The following JADE3 variants were observed in gnomAD, a reference collection of about 807,000 sequenced individuals.
JADE3 encodes protein Jade-3.
In JADE3, 2 loss-of-function variants were observed where a neutral mutation model predicts 50.1. The observed-to-expected ratio is 0.04, with a 90% CI of 0.02 to 0.13. The LOEUF (loss-of-function observed/expected upper bound fraction) is 0.13, where lower values mean the gene tolerates loss of function less well. Among genes scored for constraint, JADE3 ranks in the 10% least tolerant of loss-of-function variants. The pLI is 1.00. For synonymous variants in JADE3, 218 were observed against 232.9 expected (o/e 0.94, Z 0.58); for missense variants, 475 against 634.4 (o/e 0.75, Z 2.70).
intron 1 of JADE3, among the ~76,000 whole-genome samples, chrX:46,946,571 A>T (rs1926888253): frequency 8.9e-6 from 1 of 112,193 alleles, no homozygotes; most frequent in Middle Eastern, 4.2e-3. Flanking sequence ...ACTTGAGGTC[A>T]CCTAGCTCTT....
intron 4 of JADE3, among the ~76,000 whole-genome samples, chrX:47,016,694 T>A (rs976474714): frequency 9.1e-6 from 1 of 109,582 alleles, no homozygotes; most frequent in Non-Finnish European, 1.9e-5. Flanking sequence ...TGTCTTTTTT[T>A]TTTTTTTTAA....
At chrX:46,975,714 C>CTTTTTT (rs782578317) in intron 1 of JADE3, among the ~76,000 whole-genome samples, 43 of 40,523 alleles carry the variant, frequency 1.1e-3, no homozygotes, top group African/African-American at 2.8e-3. Flanking sequence ...TTTTCTTTTT[C>CTTTTTT]TTTTTTTTTT....
intron 7 of JADE3, among the ~76,000 whole-genome samples, chrX:47,035,051 T>C (rs1929105067): frequency 9.0e-6 from 1 of 111,403 alleles, no homozygotes; most frequent in African/African-American, 3.3e-5. Flanking sequence ...TGGCTACATG[T>C]ACACTAACTT....
At chrX:46,930,262 GGAGA>G (rs1926461768) in intron 1 of JADE3, among the ~76,000 whole-genome samples, 1 of 111,668 alleles carries the variant, frequency 9.0e-6, no homozygotes, top group African/African-American at 3.3e-5. Context: ...GTATGGAGAG[GGAGA>G]GAGAGATCCA....
intron 1 of JADE3, among the ~76,000 whole-genome samples, chrX:46,976,705 TTTTG>T (rs1425519301): frequency 8.9e-6 from 1 of 112,317 alleles, no homozygotes; most frequent in Admixed American, 9.4e-5. Context: ...TGATTTATGG[TTTTG>T]TTTAACAAAA....
chrX:47,035,394 T>TA (rs1556367723), intron 7 of JADE3, among the ~76,000 whole-genome samples: 2 of 111,865 alleles, frequency 1.8e-5, no homozygotes, highest in South Asian at 3.7e-4. Flanking sequence ...ATCAGTATTT[T>TA]AAAAAAATAT....
At position 47,058,758 on chromosome X, in the gene JADE3, A is replaced by G. The variant is rs1929693757; in HGVS notation, c.2153A>G (p.Glu718Gly). ...TVEHFSRSFK[E>G]TTNRWVKNTE... ...GAACACTTTAGTAGGTCCTTTAAAGAGACCACCAATAGGTGGGTGAAGAAC... is the reference window on the plus strand; with the variant it reads ...GAACACTTTAGTAGGTCCTTTAAAGGGACCACCAATAGGTGGGTGAAGAAC... The change falls in exon 11 of 11, where the codon GAG (glutamate) becomes GGG (glycine). Residue 718 changes from glutamate (E) to glycine (G), a missense_variant. Around this residue, in one of 6 missense-constraint regions of JADE3, gnomAD observed 243 missense variants for 238.2 expected, o/e 1.02. Coordinates refer to ENST00000614628, the MANE Select transcript of JADE3 (RefSeq NM_014735.5). The G allele has an allele frequency of 8.3e-7, 1 of 1,208,614 alleles. No individual in the cohort carries two copies. Among genetic ancestry groups the G allele is most frequent in the East Asian group, 3.0e-5 (1 of 33,826 alleles).
At chrX:47,016,619 A>C (rs1928682804) in intron 4 of JADE3, among the ~76,000 whole-genome samples, 1 of 111,637 alleles carries the variant, frequency 9.0e-6, no homozygotes, top group Non-Finnish European at 1.9e-5. Context: ...CCATTTCTCA[A>C]TAAAAGGCAT....
At position 47,058,885 on chromosome X, in the gene JADE3, A is replaced by G. The variant is rs1287339524; in HGVS notation, c.2280A>G (p.Pro760=). The part of the protein sequence containing the change: ...QVLRRSAGRA[P]YQENDGYCPD... ...TCAGGCGGTCTGCAGGGAGAGCTCCATATCAGGAAAATGATGGCTATTGCC... is the reference window on the plus strand; with the variant it reads ...TCAGGCGGTCTGCAGGGAGAGCTCCGTATCAGGAAAATGATGGCTATTGCC... Residue 760 remains proline (P), a synonymous_variant, in exon 11 of 11, where the codon CCA becomes CCG. Transcript: ENST00000614628. 2 of 1,211,508 alleles carry G rather than the reference A, an allele frequency of 1.7e-6. No individual in the cohort carries two copies. The highest frequency in any genetic ancestry group is 1.1e-6 in the Non-Finnish European group (1 of 895,318).
chrX:47,015,859 A>G (rs1186045131), intron 4 of JADE3, among the ~76,000 whole-genome samples: 1 of 107,307 alleles, frequency 9.3e-6, no homozygotes, highest in Non-Finnish European at 1.9e-5. Context: ...AGCTGGGACT[A>G]CAGACGTGAG....
intron 8 of JADE3, among the ~76,000 whole-genome samples, chrX:47,053,522 G>A (rs1929566044): frequency 8.9e-6 from 1 of 111,909 alleles, no homozygotes; most frequent in African/African-American, 3.2e-5. Flanking sequence ...GCCTCCCAAA[G>A]TGCTGGGATC....
chrX:46,913,982 C>T (rs782240254), intron 1 of JADE3, among the ~76,000 whole-genome samples: 1 of 111,120 alleles, frequency 9.0e-6, no homozygotes, highest in African/African-American at 3.3e-5. Context: ...AAGTCAAAAC[C>T]GTGTTGAAGG....
At chrX:46,988,926 G>A (rs187137940) in intron 3 of JADE3, among the ~76,000 whole-genome samples, 25 of 112,325 alleles carry the variant, frequency 2.2e-4, no homozygotes, top group Middle Eastern at 4.6e-3. Flanking sequence ...TGCAACCTCC[G>A]CCTCCCAGGT....
intron 4 of JADE3, among the ~76,000 whole-genome samples, chrX:47,008,706 T>C (rs1289213762): frequency 9.0e-6 from 1 of 111,219 alleles, no homozygotes. Context: ...CATACCACCA[T>C]GCAAAGCAAG....
At chrX:46,997,216 T>C (rs1169109118) in intron 3 of JADE3, among the ~76,000 whole-genome samples, 4 of 111,594 alleles carry the variant, frequency 3.6e-5, no homozygotes, top group African/African-American at 1.3e-4. Flanking sequence ...TTAAAGATAC[T>C]CTGAGGCCAG....
rs782597895 is a variant in JADE3 at position 47,046,279 on chromosome X, G to A, written c.972+7214G>A. Among the ~76,000 whole-genome samples the A allele has an allele frequency of 2.7e-5, 3 of 111,671 alleles. No individual in the cohort carries two copies. In the South Asian group the frequency reaches 1.1e-3, roughly 41 times the overall value. On this transcript the variant is annotated intron_variant, in intron 8 of 10. Transcript: ENST00000614628. ...ATATGCCAACAAACTGGAAAACCTA[G>A]AAGAAGTGAACAGATTCCTAGACAC... is the stretch of plus-strand genomic sequence containing the variant.
At chrX:47,006,070 C>A (rs1928409901) in intron 4 of JADE3, among the ~76,000 whole-genome samples, 1 of 111,608 alleles carries the variant, frequency 9.0e-6, no homozygotes, top group Non-Finnish European at 1.9e-5. Context: ...AAGACAGATG[C>A]CGACATCAAG....
At position 47,054,302 on chromosome X, in the gene JADE3, G is replaced by C. The variant is rs1929583068; in HGVS notation, c.1117G>C (p.Gly373Arg). ...GCATAGCCAAAACAGGCAGAAACTT[G>C]GAGAAGCTGAGTACCCCCACCACAG... ...LKHSQNRQKLGEAEYPHHRAK... is the reference protein window; with the variant it reads ...LKHSQNRQKLREAEYPHHRAK... The change falls in exon 9 of 11, where the codon GGA (glycine) becomes CGA (arginine). Residue 373 changes from glycine (G) to arginine (R), a missense_variant. Gly to Arg is a moderately radical substitution (Grantham distance 125, BLOSUM62 -2). Around this residue, in one of 6 missense-constraint regions of JADE3, gnomAD observed 81 missense variants for 123.8 expected, o/e 0.65. Coordinates refer to ENST00000614628, the MANE Select transcript of JADE3 (RefSeq NM_014735.5). 8.3e-7 allele frequency: 1 copy of C among 1,207,469 alleles called. No individual in the cohort carries two copies. The highest frequency in any genetic ancestry group is 2.2e-5 in the Admixed American group (1 of 45,175).
intron 3 of JADE3, among the ~76,000 whole-genome samples, chrX:46,996,866 A>G (rs1928140693): frequency 8.9e-6 from 1 of 112,218 alleles, no homozygotes; most frequent in Non-Finnish European, 1.9e-5. Context: ...GGATGTGGAC[A>G]TATCTTTTTG....
Sources: allele counts gnomAD v4.1 joint callset (sites outside exome capture counted in the v4.1 genomes callset), GRCh38; gene constraint gnomAD v4.1.1; regional missense constraint gnomAD v4.1.1; transcripts MANE v1.5; gene names NCBI Gene and HGNC (gene_info 2026-07-23, HGNC 2026-07-21).